Variants in HSDL1 observed in about 807,000 individuals in gnomAD.
The protein encoded by HSDL1 is inactive hydroxysteroid dehydrogenase-like protein 1.
HSDL1 carries 29 observed loss-of-function variants against 31.5 expected under a neutral mutation model. The ratio of observed to expected loss-of-function variants is 0.92; its 90% CI spans 0.69 to 1.26. The LOEUF (loss-of-function observed/expected upper bound fraction) is 1.26. Ranked by LOEUF, HSDL1 falls within the 50% of genes most tolerant of loss-of-function variation. HSDL1 has a pLI of 0.00. For synonymous variants in HSDL1, 222 were observed against 155.2 expected (o/e 1.43, Z -3.20); for missense variants, 503 against 416.6 (o/e 1.21, Z -1.81).
intron 2 of HSDL1, 79 bp from the exon 3 acceptor site, chr16:84,131,406 A>T: frequency 1.1e-6 from 1 of 945,944 alleles, no homozygotes; most frequent in Non-Finnish European, 1.7e-6. Context: ...GAAGACATCC[A>T]GCTGAGGGCA....
chr16:84,140,801 T>C (rs1352549707), intron 1 of HSDL1, among the ~76,000 whole-genome samples: 1 of 152,092 alleles, frequency 6.6e-6, no homozygotes, highest in Non-Finnish European at 1.5e-5. Flanking sequence ...GCATGTATTC[T>C]GAAACAGTAA....
chr16:84,127,404 T>C (rs1431384135), intron 5 of HSDL1, among the ~76,000 whole-genome samples: 4 of 151,352 alleles, frequency 2.6e-5, no homozygotes, highest in Non-Finnish European at 5.9e-5. Context: ...TTAGTAGAGA[T>C]GGGGTTTCAC....
chr16:84,134,223 G>A (rs1460426229), intron 2 of HSDL1, among the ~76,000 whole-genome samples: 2 of 152,094 alleles, frequency 1.3e-5, no homozygotes, highest in South Asian at 2.1e-4. Context: ...TGCTGATGAC[G>A]GGCACGGTAT....
chr16:84,124,744 A>T lies in HSDL1; in HGVS notation c.895-16T>A, dbSNP rs773791190. ...CAAAAAGAAACTAAAAATGAAAGAG[A>T]AAAAGGTTGTAAGGTTAGAACCCAA... On this transcript the variant is annotated splice_polypyrimidine_tract_variant and intron_variant, in intron 5 of 5. Transcript: ENST00000219439. The T allele has an allele frequency of 6.3e-7, 1 of 1,585,670 alleles. No individual in the cohort carries two copies.
intron 5 of HSDL1, among the ~76,000 whole-genome samples, chr16:84,127,843 T>C (rs575594672): frequency 1.3e-4 from 20 of 149,976 alleles, no homozygotes; most frequent in African/African-American, 4.4e-4. Context: ...CTCAGCCTCC[T>C]GAGTAGCTGG....
At chr16:84,127,714 G>C (rs943228472) in intron 5 of HSDL1, among the ~76,000 whole-genome samples, 2 of 147,232 alleles carry the variant, frequency 1.4e-5, no homozygotes, top group East Asian at 2.0e-4. Flanking sequence ...ACTCACACTG[G>C]TATTTTTTTT....
At chr16:84,137,221 A>G (rs1170940316) in intron 1 of HSDL1, among the ~76,000 whole-genome samples, 2 of 152,200 alleles carry the variant, frequency 1.3e-5, no homozygotes, top group Non-Finnish European at 2.9e-5. Flanking sequence ...GTGTGAGCAG[A>G]ATTTCTGGGC....
intron 3 of HSDL1, 187 bp downstream of exon 3, chr16:84,130,915 A>C (rs1469398620): frequency 1.5e-5 from 9 of 595,828 alleles, no homozygotes; most frequent in Admixed American, 3.0e-5. Context: ...GATACCAATC[A>C]TGAGGCCAGT....
At position 84,130,123 on chromosome 16, in the gene HSDL1, T is replaced by A; in HGVS notation, c.529A>T (p.Asn177Tyr). 6.2e-7 allele frequency: 1 copy of A among 1,614,182 alleles called. No individual in the cohort carries two copies. Among genetic ancestry groups the A allele is most frequent in the Non-Finnish European group, 8.5e-7 (1 of 1,180,038 alleles). The change falls in exon 4 of 6, where the codon AAC (asparagine) becomes TAC (tyrosine). Residue 177 changes from asparagine to tyrosine, a missense_variant. Transcript: ENST00000219439. ...ACCATCAAACTAGCGGCGGCAATGTTCACATTTATGATGTCCCAGAGCTTG... is the reference window on the plus strand; with the variant it reads ...ACCATCAAACTAGCGGCGGCAATGTACACATTTATGATGTCCCAGAGCTTG... ...EDKLWDIINV[N>Y]IAAASLMVHV...
At chr16:84,143,976 C>T (rs1306450877) in intron 1 of HSDL1, among the ~76,000 whole-genome samples, 9 of 151,986 alleles carry the variant, frequency 5.9e-5, no homozygotes, top group Admixed American at 4.6e-4. Context: ...ATCGCAGGCA[C>T]CATTGCACTA....
In HSDL1 at chr16:84,131,158, C is replaced by CG; in HGVS notation, c.163dup (p.Arg55ProfsTer31). On this transcript the variant is annotated frameshift_variant, in exon 3 of 6. Transcript: ENST00000219439. LOFTEE classifies it high-confidence loss of function. ...GATCAAGTCTGCTCTGCTCCCCAGG[C>CG]GGGGGATAAAATGCAGCCTGATCAG... 1 of 1,614,140 alleles carries CG rather than the reference C, an allele frequency of 6.2e-7. No homozygotes were observed. Among genetic ancestry groups the CG allele is most frequent in the Non-Finnish European group, 8.5e-7 (1 of 1,180,034 alleles).
chr16:84,132,167 A>C (rs933043266), intron 2 of HSDL1, among the ~76,000 whole-genome samples: 1 of 152,234 alleles, frequency 6.6e-6, no homozygotes, highest in Non-Finnish European at 1.5e-5. Context: ...CTCCTAGTCT[A>C]ATAATAACAA....
chr16:84,126,393 A>T (rs2086607013), intron 5 of HSDL1, among the ~76,000 whole-genome samples: 1 of 151,990 alleles, frequency 6.6e-6, no homozygotes, highest in African/African-American at 2.4e-5. Context: ...CTGAAAACAA[A>T]TTTGGTCGTC....
In HSDL1 at chr16:84,123,842, G is replaced by C. The variant is rs901339279; in HGVS notation, c.*788C>G. Reference sequence around the variant, plus strand: ...GTTTCTCTTACATATCCAAATCTAGGAATAAGTTCATTCCATAGCAGATTT... The same window carrying C: ...GTTTCTCTTACATATCCAAATCTAGCAATAAGTTCATTCCATAGCAGATTT... On this transcript the variant is annotated 3_prime_UTR_variant, in exon 6 of 6. Coordinates refer to ENST00000219439, the MANE Select transcript of HSDL1 (RefSeq NM_031463.5). 6.6e-6 allele frequency: 1 copy of C among 152,078 alleles called. No individual in the cohort carries two copies. Among genetic ancestry groups the C allele is most frequent in the Admixed American group, 6.6e-5 (1 of 15,256 alleles). The allele number at this position is 152,078 out of a possible 1,614,324, so 9.4% of individuals were successfully genotyped here. A position where few individuals can be genotyped will look rare whatever the true frequency, so the allele number is the denominator to read the frequency against.
intron 3 of HSDL1, 178 bp downstream of exon 3, chr16:84,130,924 G>T: frequency 1.6e-6 from 1 of 610,722 alleles, no homozygotes; most frequent in Non-Finnish European, 2.9e-6. Flanking sequence ...CATGAGGCCA[G>T]TTCTTCCTAA....
chr16:84,136,342 C>G (rs1437950338), intron 1 of HSDL1, among the ~76,000 whole-genome samples: 1 of 152,266 alleles, frequency 6.6e-6, no homozygotes, highest in Non-Finnish European at 1.5e-5. Context: ...CACTGCATTG[C>G]AACTGTTCTG....
intron 2 of HSDL1, among the ~76,000 whole-genome samples, chr16:84,133,189 G>A (rs1407437168): frequency 1.3e-5 from 2 of 151,970 alleles, no homozygotes; most frequent in African/African-American, 4.8e-5. Context: ...ACCATATTGT[G>A]ATAAAAGGCA....
At chr16:84,141,890 T>C (rs576750967) in intron 1 of HSDL1, among the ~76,000 whole-genome samples, 2 of 152,336 alleles carry the variant, frequency 1.3e-5, no homozygotes, top group South Asian at 2.1e-4. Context: ...GCTCTCTGTA[T>C]GTTTTGTGTC....
chr16:84,125,602 C>G (rs2086598726), intron 5 of HSDL1, among the ~76,000 whole-genome samples: 1 of 152,222 alleles, frequency 6.6e-6, no homozygotes, highest in Non-Finnish European at 1.5e-5. Flanking sequence ...CCACCAATCA[C>G]ATTAAATACA....
Sources: allele counts gnomAD v4.1 joint callset (sites outside exome capture counted in the v4.1 genomes callset), GRCh38; gene constraint gnomAD v4.1.1; transcripts MANE v1.5; gene names NCBI Gene and HGNC (gene_info 2026-07-23, HGNC 2026-07-21).